The following UBAC2 variants were observed in gnomAD, a reference collection of about 807,000 sequenced individuals.
UBAC2 encodes the protein UBA domain containing 2.
A neutral mutation model predicts 44.0 loss-of-function variants in UBAC2; 26 were observed. The observed-to-expected ratio is 0.59, with a 90% CI of 0.43 to 0.82. The LOEUF (loss-of-function observed/expected upper bound fraction) is 0.82, where lower values mean the gene tolerates loss of function less well. Among genes scored for constraint, UBAC2 ranks in the 40% least tolerant of loss-of-function variants. The pLI, the probability that UBAC2 is intolerant of heterozygous loss-of-function variation, is 0.00. For synonymous variants in UBAC2, 155 were observed against 154.3 expected (o/e 1.00, Z -0.04); for missense variants, 329 against 419.4 (o/e 0.78, Z 1.88).
chr13:99,285,765 C>T (rs1457312255), intron 4 of UBAC2, among the ~76,000 whole-genome samples: 4 of 152,150 alleles, frequency 2.6e-5, no homozygotes, highest in South Asian at 2.1e-4. Flanking sequence ...GCTGAATGCT[C>T]TATTTCTTAA....
Position 99,244,580 on chromosome 13 carries a change from G to T in UBAC2, c.345G>T (p.Gln115His), listed in dbSNP as rs768732475. ...LFDFLLIEAMQYFFGITAASN... is the reference protein window; with the variant it reads ...LFDFLLIEAMHYFFGITAASN... ...ACTTTCTCCTCATTGAAGCTATGCA[G>T]TATTTCTTTGGCATCACTGCAGCTA... The change falls in exon 4 of 9, where the codon CAG (glutamine) becomes CAT (histidine). Residue 115 changes from glutamine (Q) to histidine (H), a missense_variant. Coordinates refer to ENST00000403766, the MANE Select transcript of UBAC2 (RefSeq NM_001144072.2). 1 of 1,613,210 alleles carries T rather than the reference G, an allele frequency of 6.2e-7. No homozygotes were observed. The highest frequency in any genetic ancestry group is 8.5e-7 in the Non-Finnish European group (1 of 1,179,448).
At chr13:99,284,105 T>G (rs1415132071) in intron 4 of UBAC2, among the ~76,000 whole-genome samples, 1 of 152,264 alleles carries the variant, frequency 6.6e-6, no homozygotes, top group African/African-American at 2.4e-5. Flanking sequence ...TTGAGCATTT[T>G]AACTTGCCAG....
chr13:99,316,871 T>C (rs1354569565), intron 5 of UBAC2, among the ~76,000 whole-genome samples: 1 of 152,230 alleles, frequency 6.6e-6, no homozygotes, highest in Non-Finnish European at 1.5e-5. Context: ...TCGGTTTTAC[T>C]GAAGTGCCTT....
intron 6 of UBAC2, among the ~76,000 whole-genome samples, chr13:99,325,746 A>C (rs911910772): frequency 2.0e-5 from 3 of 152,196 alleles, no homozygotes; most frequent in Non-Finnish European, 4.4e-5. Flanking sequence ...GATTCTGTGA[A>C]ATTGACTATC....
At chr13:99,296,660 A>G (rs1005767322) in intron 4 of UBAC2, among the ~76,000 whole-genome samples, 14 of 152,216 alleles carry the variant, frequency 9.2e-5, no homozygotes, top group African/African-American at 2.7e-4. Flanking sequence ...ATGTAGTGAA[A>G]TATGAACTTA....
chr13:99,329,030 C>G (rs895786754), intron 6 of UBAC2, among the ~76,000 whole-genome samples: 1 of 152,188 alleles, frequency 6.6e-6, no homozygotes, highest in African/African-American at 2.4e-5. Flanking sequence ...CACACAGATA[C>G]TCATTTGTTC....
intron 7 of UBAC2, 86 bp downstream of exon 7, chr13:99,340,651 A>G (rs2044872225): frequency 1.2e-5 from 17 of 1,433,960 alleles, no homozygotes; most frequent in Non-Finnish European, 1.3e-5. Context: ...TGAGATAGAG[A>G]CTACATTTTA....
At chr13:99,324,639 G>A (rs965482973) in intron 6 of UBAC2, among the ~76,000 whole-genome samples, 1 of 152,158 alleles carries the variant, frequency 6.6e-6, no homozygotes, top group African/African-American at 2.4e-5. Flanking sequence ...AAAACCTGAG[G>A]AACTACGGAA....
At chr13:99,353,397 T>C (rs2045126074) in intron 7 of UBAC2, among the ~76,000 whole-genome samples, 1 of 152,234 alleles carries the variant, frequency 6.6e-6, no homozygotes, top group South Asian at 2.1e-4. Context: ...CAATCTAAAG[T>C]GTGATCCTTT....
intron 4 of UBAC2, among the ~76,000 whole-genome samples, chr13:99,268,046 G>A (rs891257450): frequency 2.0e-5 from 3 of 152,178 alleles, no homozygotes; most frequent in African/African-American, 7.2e-5. Flanking sequence ...GAAAGAAGGG[G>A]CATGCAGGAG....
At chr13:99,363,509 C>T (rs1463443364) in intron 7 of UBAC2, among the ~76,000 whole-genome samples, 1 of 152,206 alleles carries the variant, frequency 6.6e-6, no homozygotes, top group African/African-American at 2.4e-5. Flanking sequence ...GTGGGCAGCC[C>T]AGGCCGGCGG....
intron 4 of UBAC2, among the ~76,000 whole-genome samples, chr13:99,278,738 A>G (rs1047468630): frequency 2.6e-5 from 4 of 152,210 alleles, no homozygotes; most frequent in African/African-American, 9.7e-5. Flanking sequence ...TTCCTATTTA[A>G]AAAATAAACT....
At position 99,215,671 on chromosome 13, in the gene UBAC2, C is replaced by T. The variant is rs1048499391; in HGVS notation, c.31+14732C>T. On this transcript the variant is annotated intron_variant, in intron 1 of 8. Coordinates refer to ENST00000403766, the MANE Select transcript of UBAC2 (RefSeq NM_001144072.2). ...TTCAGGTGTTGATGAATACAGCCCT[C>T]TGGGAACTGCAAGCCGGCTCTCTGC... The T allele has an allele frequency of 4.7e-6, 7 of 1,476,000 alleles. No homozygotes were observed. In the East Asian group the frequency reaches 1.6e-4, roughly 34 times the overall value. 91.4% of individuals were successfully genotyped at this position (1,476,000 alleles called of 1,614,324 possible). A position where few individuals can be genotyped will look rare whatever the true frequency, so the allele number is the denominator to read the frequency against.
chr13:99,289,762 G>T (rs977535418), intron 4 of UBAC2, among the ~76,000 whole-genome samples: 1 of 152,138 alleles, frequency 6.6e-6, no homozygotes, highest in African/African-American at 2.4e-5. Context: ...CAGTTGGGTG[G>T]GGCATGGGGT....
At chr13:99,230,684 G>A (rs1241273782) in intron 1 of UBAC2, among the ~76,000 whole-genome samples, 3 of 152,132 alleles carry the variant, frequency 2.0e-5, no homozygotes, top group African/African-American at 7.2e-5. Flanking sequence ...TCGAAGCCAA[G>A]GGTGACTGGT....
At chr13:99,230,170 CAA>C (rs2043156521) in intron 1 of UBAC2, among the ~76,000 whole-genome samples, 1 of 152,152 alleles carries the variant, frequency 6.6e-6, no homozygotes, top group African/African-American at 2.4e-5. Context: ...TGGTTTAAAA[CAA>C]AAGAAATATG....
intron 7 of UBAC2, among the ~76,000 whole-genome samples, chr13:99,345,898 A>C (rs2044971505): frequency 6.6e-6 from 1 of 150,988 alleles, no homozygotes; most frequent in South Asian, 2.1e-4. Flanking sequence ...GCTCACCACC[A>C]CATCCGGCTA....
At chr13:99,229,674 G>A (rs1260528846) in intron 1 of UBAC2, among the ~76,000 whole-genome samples, 1 of 152,170 alleles carries the variant, frequency 6.6e-6, no homozygotes, top group Admixed American at 6.5e-5. Flanking sequence ...AGTTGAAACC[G>A]GGCAAAGCTA....
intron 4 of UBAC2, among the ~76,000 whole-genome samples, chr13:99,271,401 C>T (rs577780982): frequency 6.6e-6 from 1 of 152,164 alleles, no homozygotes; most frequent in South Asian, 2.1e-4. Context: ...GGGACCATCC[C>T]GTACGTGGAC....
Sources: gnomAD v4.1 joint callset for allele counts (sites outside exome capture counted in the v4.1 genomes callset) on GRCh38, gnomAD v4.1.1 for gene constraint, MANE v1.5 for transcripts, NCBI Gene and HGNC (gene_info 2026-07-23, HGNC 2026-07-21) for gene names.